Variants in HERC2 observed in about 807,000 individuals in gnomAD.
The protein encoded by HERC2 is E3 ubiquitin-protein ligase HERC2.
In HERC2, 102 loss-of-function variants were observed where a neutral mutation model predicts 537.7. The observed-to-expected ratio is 0.19, with a 90% confidence interval of 0.16 to 0.22. The LOEUF (loss-of-function observed/expected upper bound fraction) is 0.22, where lower values mean the gene tolerates loss of function less well. Ranked by LOEUF, HERC2 falls within the 10% of genes least tolerant of loss-of-function variation. The probability of loss-of-function intolerance (pLI) is 1.00; values close to 1 mark genes in which losing one functional copy is unlikely to be tolerated. For missense variants in HERC2, 4,236 were observed against 6,198.2 expected (o/e 0.68, Z 10.63); for synonymous variants, 2,224 against 2,466.2 (o/e 0.90, Z 2.91).
intron 4 of HERC2, among the ~76,000 whole-genome samples, chr15:28,289,661 G>GT (rs1385873875): frequency 6.6e-6 from 1 of 152,196 alleles, no homozygotes; most frequent in Admixed American, 6.5e-5. Flanking sequence ...TCTATGAAAT[G>GT]TTTTTAGCAA....
intron 4 of HERC2, among the ~76,000 whole-genome samples, chr15:28,288,862 A>G (rs1164239849): frequency 6.6e-6 from 1 of 151,562 alleles, no homozygotes; most frequent in Non-Finnish European, 1.5e-5. Context: ...AAAAAAAAAA[A>G]AAGACTTTTT....
chr15:28,195,369 G>A (rs1324852859), intron 52 of HERC2, among the ~76,000 whole-genome samples: 3 of 152,070 alleles, frequency 2.0e-5, no homozygotes, highest in Admixed American at 2.0e-4. Flanking sequence ...GCTGAGACAG[G>A]AGAATTGCTT....
At chr15:28,117,450 C>T (rs1310823564) in intron 86 of HERC2, 5 of 665,408 alleles carry the variant, frequency 7.5e-6, no homozygotes, top group African/African-American at 5.3e-5. Context: ...ACCACCACCA[C>T]GTCCACAGCT....
chr15:28,310,883 C>T (rs1567151834), intron 2 of HERC2, among the ~76,000 whole-genome samples: 1 of 151,706 alleles, frequency 6.6e-6, no homozygotes, highest in Non-Finnish European at 1.5e-5. Flanking sequence ...AAAGACCATC[C>T]CGGCTAACAC....
chr15:28,270,170 C>A (rs1464782489), intron 10 of HERC2, among the ~76,000 whole-genome samples: 1 of 151,958 alleles, frequency 6.6e-6, no homozygotes, highest in African/African-American at 2.4e-5. Context: ...TCCAAGTTGG[C>A]CAGGCTGGAG....
chr15:28,229,143 C>T, intron 34 of HERC2, 52 bp downstream of exon 34: 5 of 1,483,176 alleles, frequency 3.4e-6, no homozygotes, highest in Non-Finnish European at 4.7e-6. Flanking sequence ...GTTTCCACAA[C>T]ATATAATTAA....
rs543398080 is a variant in HERC2, at chr15:28,263,201, A to C, written c.1871-32T>G. 1.2e-4 allele frequency: 191 copies of C among 1,586,570 alleles called. 2 individuals carry two copies. The South Asian group carries it at 2.1e-3, about 18-fold the overall frequency. On this transcript the variant is annotated intron_variant, in intron 14 of 92. Coordinates refer to ENST00000261609, the MANE Select transcript of HERC2 (RefSeq NM_004667.6). ...AATACAAATGCATTTAAATAACAAC[A>C]ACTCTGCATTTTAACGAAAAATTTT... is the stretch of plus-strand genomic sequence containing the variant.
At chr15:28,195,581 G>A (rs1485094812) in intron 52 of HERC2, among the ~76,000 whole-genome samples, 1 of 152,096 alleles carries the variant, frequency 6.6e-6, no homozygotes, top group East Asian at 1.9e-4. Flanking sequence ...AACACAAAAG[G>A]ATAAATCTTA....
chr15:28,132,608 T>C, intron 80 of HERC2, 45 bp downstream of exon 80: 1 of 1,365,306 alleles, frequency 7.3e-7, no homozygotes, highest in Non-Finnish European at 9.5e-7. Flanking sequence ...ACAGCAGCAG[T>C]GAGGAGCATG....
rs150568801 is a variant in HERC2, at chr15:28,265,480, A to T, written c.1870+138T>A. ...CAGTAACCACCCGGGCCTCTTCCCC[A>T]ATGCCACTGAGCCCCACACCCACTG... On this transcript the variant is annotated intron_variant, in intron 14 of 92. Transcript: ENST00000261609. The surrounding 1 kb of genome is among the most constrained non-coding windows in gnomAD (Gnocchi z 4.0). 6.2e-3 allele frequency: 4,102 copies of T among 666,876 alleles called. 20 individuals carry two copies. Among genetic ancestry groups the T allele is most frequent in the Non-Finnish European group, 7.9e-3 (3,063 of 385,860 alleles). 41.3% of individuals were successfully genotyped at this position (666,876 alleles called of 1,614,324 possible).
chr15:28,257,335 G>GT, intron 16 of HERC2, 74 bp from the exon 17 acceptor site: 1 of 1,261,344 alleles, frequency 7.9e-7, no homozygotes, highest in Non-Finnish European at 1.1e-6. Context: ...AGTCACCAGC[G>GT]TGTGTGATGG....
intron 83 of HERC2, among the ~76,000 whole-genome samples, chr15:28,127,799 G>A (rs570531775): frequency 1.3e-5 from 2 of 152,238 alleles, no homozygotes; most frequent in African/African-American, 2.4e-5. Flanking sequence ...AGCACAACTA[G>A]AGCATCAAAA....
chr15:28,221,962 T>C lies in HERC2; in HGVS notation c.5652+66A>G, dbSNP rs887898904. The C allele has an allele frequency of 4.7e-6, 5 of 1,054,420 alleles. No individual in the cohort carries two copies. The African/African-American group carries it at 5.8e-5, about 12-fold the overall frequency. 65.3% of individuals were successfully genotyped at this position (1,054,420 alleles called of 1,614,324 possible). A position where few individuals can be genotyped will look rare whatever the true frequency, so the allele number is the denominator to read the frequency against. On this transcript the variant is annotated intron_variant, in intron 36 of 92. Coordinates refer to ENST00000261609, the MANE Select transcript of HERC2 (RefSeq NM_004667.6). ...TTATTCCAATTTCCACCCACCAATA[T>C]CGTACAGAACTGTGCAGAAGATAAC...
At chr15:28,185,400 C>G (rs1361953796) in intron 56 of HERC2, among the ~76,000 whole-genome samples, 1 of 152,184 alleles carries the variant, frequency 6.6e-6, no homozygotes, top group Non-Finnish European at 1.5e-5. Flanking sequence ...CAATCCAAAG[C>G]GCCTTGGGAA....
At chr15:28,157,974 AT>A (rs1190354074) in intron 69 of HERC2, among the ~76,000 whole-genome samples, 2 of 152,028 alleles carry the variant, frequency 1.3e-5, no homozygotes, top group African/African-American at 4.8e-5. Context: ...GAACAACTTT[AT>A]TTCTGCCTTC....
chr15:28,304,714 T>TC (rs1451954424), intron 2 of HERC2, among the ~76,000 whole-genome samples: 1 of 150,884 alleles, frequency 6.6e-6, no homozygotes, highest in East Asian at 1.9e-4. Flanking sequence ...TTTTTTTTTT[T>TC]TTTTTTTTTT....
Position 28,111,961 on chromosome 15 carries a change from G to A in HERC2, c.14307C>T (p.Pro4769=), listed in dbSNP as rs142354999. ...CCAGCACCTGCTTGCAGGAATACCT[G>A]GGCAGCTTCAGCAAGAAGAAACAGG... ...SYTCFFLLKL[P]RYSCKQVLEE... is the part of the protein sequence containing the mutation. Residue 4769 remains proline, a synonymous_variant, in exon 93 of 93, where the codon CCC becomes CCT. Transcript: ENST00000261609. The A allele has an allele frequency of 1.2e-6, 2 of 1,614,114 alleles. No individual in the cohort carries two copies. Among genetic ancestry groups the A allele is most frequent in the South Asian group, 2.2e-5 (2 of 91,078 alleles).
chr15:28,212,293 G>C, intron 43 of HERC2, 152 bp downstream of exon 43: 4 of 719,028 alleles, frequency 5.6e-6, no homozygotes, highest in Non-Finnish European at 1.0e-5. Flanking sequence ...CACGAACACA[G>C]GGTTACATTC....
rs769723830 is a variant in HERC2 at position 28,124,094 on chromosome 15, T to G, written c.13131A>C (p.Gly4377=). Reference sequence around the variant, plus strand: ...TGTCGAACCCAACAGAAGGCCCGAGTCCAGTTTCGTCGAGCGAGCCTTCCA... The same window carrying G: ...TGTCGAACCCAACAGAAGGCCCGAGGCCAGTTTCGTCGAGCGAGCCTTCCA... ...FDLEGSLDET[G]LGPSVGFDTL... is the part of the protein sequence containing the mutation. Residue 4377 remains glycine (G), a synonymous_variant, in exon 85 of 93, where the codon GGA becomes GGC. Transcript: ENST00000261609. The G allele has an allele frequency of 7.5e-6, 12 of 1,608,120 alleles. No individual in the cohort carries two copies. Among genetic ancestry groups the G allele is most frequent in the Non-Finnish European group, 1.0e-5 (12 of 1,177,230 alleles).
Sources: allele counts gnomAD v4.1 joint callset (sites outside exome capture counted in the v4.1 genomes callset), GRCh38; gene constraint gnomAD v4.1.1; non-coding constraint Gnocchi (gnomAD v3.1); transcripts MANE v1.5; gene names NCBI Gene and HGNC (gene_info 2026-07-23, HGNC 2026-07-21).